The following KCNB2 variants were observed in gnomAD, a reference collection of about 807,000 sequenced individuals.
KCNB2 encodes delayed rectifier potassium channel protein.
KCNB2 carries 15 observed loss-of-function variants against 61.5 expected under a neutral mutation model. That is an observed-to-expected ratio of 0.24 (90% CI 0.16 to 0.38). The LOEUF is 0.38. Ranked by LOEUF, KCNB2 falls within the 10% of genes least tolerant of loss-of-function variation. The probability of loss-of-function intolerance (pLI) is 1.00; values close to 1 mark genes in which losing one functional copy is unlikely to be tolerated. For synonymous variants in KCNB2, 457 were observed against 446.0 expected (o/e 1.02, Z -0.31); for missense variants, 828 against 1,125.2 (o/e 0.74, Z 3.78).
At chr8:72,892,372 G>A (rs951614869) in intron 2 of KCNB2, among the ~76,000 whole-genome samples, 1 of 152,080 alleles carries the variant, frequency 6.6e-6, no homozygotes, top group African/African-American at 2.4e-5. Flanking sequence ...TTCCAGTTGG[G>A]CCACTACCCA....
chr8:72,618,563 A>G (rs750607159), intron 2 of KCNB2, among the ~76,000 whole-genome samples: 3 of 152,242 alleles, frequency 2.0e-5, no homozygotes, highest in Non-Finnish European at 4.4e-5. Context: ...AGAAACTGCT[A>G]TACACAACAA....
intron 2 of KCNB2, among the ~76,000 whole-genome samples, chr8:72,680,958 T>C (rs1393120452): frequency 6.6e-6 from 1 of 150,462 alleles, no homozygotes; most frequent in East Asian, 1.9e-4. Context: ...CGATATGTGC[T>C]CACAATTGTA....
At chr8:72,882,534 A>AGAGT (rs1273939490) in intron 2 of KCNB2, among the ~76,000 whole-genome samples, 1 of 150,650 alleles carries the variant, frequency 6.6e-6, no homozygotes, top group East Asian at 2.0e-4. Flanking sequence ...AGAGAGAGAG[A>AGAGT]GAGAGAGAGA....
intron 2 of KCNB2, among the ~76,000 whole-genome samples, chr8:72,802,572 C>T (rs923314374): frequency 6.6e-6 from 1 of 152,096 alleles, no homozygotes; most frequent in Admixed American, 6.5e-5. Context: ...TGGCAATGTG[C>T]TATGTAACCA....
intron 2 of KCNB2, among the ~76,000 whole-genome samples, chr8:72,703,761 C>A (rs952755641): frequency 6.6e-6 from 1 of 152,150 alleles, no homozygotes; most frequent in African/African-American, 2.4e-5. Flanking sequence ...AAAATAAAAC[C>A]ATGGGAGTAG....
At chr8:72,617,312 A>T (rs564224465) in intron 2 of KCNB2, among the ~76,000 whole-genome samples, 3 of 152,322 alleles carry the variant, frequency 2.0e-5, no homozygotes, top group South Asian at 4.1e-4. Flanking sequence ...TTCCCATTCC[A>T]AAACAAAGAT....
rs1392640822 is a variant in KCNB2, at chr8:72,703,691, T to G, written c.579+135378T>G. The stretch of plus-strand genomic sequence containing the variant: ...GGAGAGAAGCTGGGCCATGCCTTAG[T>G]GTCTACTATAAAGAATAGCTACTCC... On this transcript the variant is annotated intron_variant, in intron 2 of 2. Transcript: ENST00000523207. Among the ~76,000 whole-genome samples the G allele has an allele frequency of 2.6e-5, 4 of 152,172 alleles. No individual in the cohort carries two copies. The East Asian group carries it at 7.7e-4, about 29-fold the overall frequency.
intron 2 of KCNB2, among the ~76,000 whole-genome samples, chr8:72,697,928 A>G (rs912446627): frequency 2.6e-5 from 4 of 152,106 alleles, no homozygotes; most frequent in African/African-American, 7.2e-5. Context: ...GGCCTTCTCT[A>G]TCTGAAATTC....
intron 2 of KCNB2, among the ~76,000 whole-genome samples, chr8:72,927,271 CTT>C (rs66960603): frequency 0.43 from 64,694 of 148,824 alleles, 15,321 homozygotes; most frequent in East Asian, 0.89. Flanking sequence ...TCTTTTCTTT[CTT>C]TTTTTTTTTT....
intron 2 of KCNB2, among the ~76,000 whole-genome samples, chr8:72,709,305 G>C (rs180901316): frequency 5.9e-5 from 9 of 152,246 alleles, no homozygotes; most frequent in Admixed American, 4.6e-4. Context: ...AAGGACAAGA[G>C]AAGATTCTCA....
At chr8:72,915,462 A>G (rs1046010686) in intron 2 of KCNB2, among the ~76,000 whole-genome samples, 5 of 152,140 alleles carry the variant, frequency 3.3e-5, no homozygotes, top group Non-Finnish European at 7.3e-5. Context: ...TGGGGAAAAA[A>G]TTTGTAAAGG....
At position 72,821,899 on chromosome 8, in the gene KCNB2, C is replaced by G. The variant is rs55985422; in HGVS notation, c.580-114036C>G. On this transcript the variant is annotated intron_variant, in intron 2 of 2. Coordinates refer to ENST00000523207, the MANE Select transcript of KCNB2 (RefSeq NM_004770.3). The stretch of plus-strand genomic sequence containing the variant: ...AGTCATCCTTTCTTCCTGCCTCTCC[C>G]TTAGCCTACCACTCCCCACACACAT... 1.8e-3 allele frequency among the ~76,000 whole-genome samples: 281 copies of G among 152,246 alleles called. 2 individuals are homozygous for G. Among genetic ancestry groups the G allele is most frequent in the African/African-American group, 6.6e-3 (273 of 41,556 alleles).
chr8:72,862,955 A>G (rs1211607146), intron 2 of KCNB2, among the ~76,000 whole-genome samples: 1 of 152,210 alleles, frequency 6.6e-6, no homozygotes, highest in African/African-American at 2.4e-5. Context: ...CCACCCAACC[A>G]AAGTTACAAA....
intron 2 of KCNB2, among the ~76,000 whole-genome samples, chr8:72,798,052 G>T (rs1000180364): frequency 6.6e-6 from 1 of 152,010 alleles, no homozygotes; most frequent in Non-Finnish European, 1.5e-5. Flanking sequence ...TTCCTTCAAA[G>T]TATTTTCATC....
rs74449232 is a variant in KCNB2, at chr8:72,675,437, T to C, written c.579+107124T>C. On this transcript the variant is annotated intron_variant, in intron 2 of 2. Transcript: ENST00000523207. ...TAGAAGTCTAGGTGGTTGCAGGCCA[T>C]ATATTACCCTTGGTTCACTCCCACC... Among the ~76,000 whole-genome samples the C allele has an allele frequency of 9.2e-3, 1,393 of 152,152 alleles. 19 individuals are homozygous for C. The highest frequency in any genetic ancestry group is 0.034 in the South Asian group (162 of 4,800).
chr8:72,840,804 C>T (rs185618350), intron 2 of KCNB2, among the ~76,000 whole-genome samples: 180 of 151,996 alleles, frequency 1.2e-3, no homozygotes, highest in African/African-American at 3.7e-3. Flanking sequence ...TGGATATTTG[C>T]CCTTTGTCAG....
At chr8:72,637,730 G>A (rs1023234780) in intron 2 of KCNB2, among the ~76,000 whole-genome samples, 5 of 152,042 alleles carry the variant, frequency 3.3e-5, no homozygotes, top group African/African-American at 1.2e-4. Context: ...GACTACTTGC[G>A]TGGCTATGCA....
chr8:72,812,636 C>T (rs1421018071), intron 2 of KCNB2, among the ~76,000 whole-genome samples: 1 of 151,846 alleles, frequency 6.6e-6, no homozygotes, highest in Non-Finnish European at 1.5e-5. Context: ...TTTTCTGGGT[C>T]TATGGAGATG....
chr8:72,581,331 C>T (rs1806892340), intron 2 of KCNB2, among the ~76,000 whole-genome samples: 1 of 152,166 alleles, frequency 6.6e-6, no homozygotes, highest in Non-Finnish European at 1.5e-5. Context: ...CTGTTTTCCC[C>T]TAGTTCTCTC....
Sources: gnomAD v4.1 joint callset for allele counts (sites outside exome capture counted in the v4.1 genomes callset) on GRCh38, gnomAD v4.1.1 for gene constraint, MANE v1.5 for transcripts, NCBI Gene and HGNC (gene_info 2026-07-23, HGNC 2026-07-21) for gene names.